Variants in KCNK6 observed in about 807,000 individuals in gnomAD.
KCNK6 encodes the protein potassium channel subfamily K member 6.
A neutral mutation model predicts 21.9 loss-of-function variants in KCNK6; 20 were observed. The ratio of observed to expected loss-of-function variants is 0.91; its 90% CI spans 0.64 to 1.32. The LOEUF (loss-of-function observed/expected upper bound fraction) is 1.32. Ranked by LOEUF, KCNK6 falls within the 40% of genes most tolerant of loss-of-function variation. The pLI, the probability that KCNK6 is intolerant of heterozygous loss-of-function variation, is 0.00. For missense variants in KCNK6, 415 were observed against 433.1 expected (o/e 0.96, Z 0.37); for synonymous variants, 210 against 218.0 (o/e 0.96, Z 0.32).
At chr19:38,320,643 C>T (rs568475101) in intron 1 of KCNK6, among the ~76,000 whole-genome samples, 2 of 152,122 alleles carry the variant, frequency 1.3e-5, no homozygotes, top group South Asian at 4.2e-4. Context: ...ACGGCAGCCT[C>T]CGCCTCCCGG....
At chr19:38,322,523 G>A (rs77617224) in intron 1 of KCNK6, among the ~76,000 whole-genome samples, 14 of 152,248 alleles carry the variant, frequency 9.2e-5, no homozygotes, top group Admixed American at 2.0e-4. Flanking sequence ...ATATTGAGAG[G>A]GGGTGGATGA....
Position 38,326,650 on chromosome 19 carries a change from C to A in KCNK6, c.380C>A (p.Ala127Glu), listed in dbSNP as rs770275342. ...GGCAAGGCCTTCTCCATCGCCTTTG[C>A]GCTCCTGGGCGTGCCGACCACCATG... ...DAGKAFSIAF[A>E]LLGVPTTMLL... The change falls in exon 2 of 3, where the codon GCG becomes GAG. Residue 127 changes from alanine to glutamate, a missense_variant. By Grantham distance (107) the Ala-to-Glu change is moderately radical (BLOSUM62 -1). Coordinates refer to ENST00000263372, the MANE Select transcript of KCNK6 (RefSeq NM_004823.3). The A allele has an allele frequency of 1.9e-6, 3 of 1,609,646 alleles. No homozygotes were observed. The highest frequency in any genetic ancestry group is 1.7e-6 in the Non-Finnish European group (2 of 1,179,946).
At chr19:38,322,542 C>T (rs780729284) in intron 1 of KCNK6, among the ~76,000 whole-genome samples, 6 of 152,180 alleles carry the variant, frequency 3.9e-5, no homozygotes, top group African/African-American at 7.2e-5. Flanking sequence ...GAGGGCCAGG[C>T]GCAGTGGCTT....
In KCNK6 at chr19:38,331,993, G is replaced by A. The variant is rs1056447881; in HGVS notation, c.*4590G>A. On this transcript the variant is annotated 3_prime_UTR_variant, in exon 3 of 3. Transcript: ENST00000263372. The stretch of plus-strand genomic sequence containing the variant: ...AATAGCACCTACCTCATGGACTTGA[G>A]AAGTCAGCAACTTCATACCTCTAAA... 6.6e-6 allele frequency: 1 copy of A among 152,174 alleles called. No homozygotes were observed. The highest frequency in any genetic ancestry group is 2.4e-5 in the African/African-American group (1 of 41,452). 9.4% of individuals were successfully genotyped at this position (152,174 alleles called of 1,614,324 possible).
At chr19:38,326,312 G>A (rs73041292) in intron 1 of KCNK6, among the ~76,000 whole-genome samples, 3,669 of 152,242 alleles carry the variant, frequency 0.024, 62 homozygotes, top group South Asian at 0.045. Context: ...ACCTTGGAAG[G>A]CAAAGGTGGG....
intron 1 of KCNK6, among the ~76,000 whole-genome samples, chr19:38,323,796 G>C (rs1969678805): frequency 1.3e-5 from 2 of 152,084 alleles, no homozygotes; most frequent in South Asian, 4.1e-4. Flanking sequence ...TCCCTATGTT[G>C]CTCAGGCTGG....
rs1037314900 is a variant in KCNK6, at chr19:38,328,197, T to C, written c.*794T>C. 2 of 152,148 alleles carry C rather than the reference T, an allele frequency of 1.3e-5. No homozygotes were observed. The highest frequency in any genetic ancestry group is 3.9e-4 in the East Asian group (2 of 5,184). The allele number at this position is 152,148 out of a possible 1,614,324, so 9.4% of individuals were successfully genotyped here. A position where few individuals can be genotyped will look rare whatever the true frequency, so the allele number is the denominator to read the frequency against. ...GAACTAAGACCTGAACTATGAGAAA[T>C]AGGCAGGAAGAAGTTGTACCTGACT... On this transcript the variant is annotated 3_prime_UTR_variant, in exon 3 of 3. Transcript: ENST00000263372.
Position 38,326,928 on chromosome 19 carries a change from T to C in KCNK6, c.658T>C (p.Tyr220His). 6.2e-7 allele frequency: 1 copy of C among 1,609,986 alleles called. No homozygotes were observed. The highest frequency in any genetic ancestry group is 8.5e-7 in the Non-Finnish European group (1 of 1,180,008). Residue 220 changes from tyrosine (Y) to histidine (H), a missense_variant, in exon 2 of 3, where the codon TAC becomes CAC. Transcript: ENST00000263372. ...TCTGTCCACCATCGGCCTGGGCGAC[T>C]ACGTGCCCGGGGAGGCCCCTGGCCA... ...ISLSTIGLGD[Y>H]VPGEAPGQPY...
chr19:38,324,902 C>G (rs1273708332), intron 1 of KCNK6: 2 of 151,786 alleles, frequency 1.3e-5, no homozygotes, highest in East Asian at 3.9e-4. Context: ...GGGATCATTT[C>G]TTTTCCCAAG....
chr19:38,326,106 T>C (rs892946170), intron 1 of KCNK6, among the ~76,000 whole-genome samples: 2 of 152,190 alleles, frequency 1.3e-5, no homozygotes, highest in South Asian at 2.1e-4. Flanking sequence ...GCGTCAGGGA[T>C]GAAGGCAAGG....
chr19:38,326,636 C>T lies in KCNK6; in HGVS notation c.366C>T (p.Phe122=). The T allele has an allele frequency of 6.2e-7, 1 of 1,611,134 alleles. No homozygotes were observed. The highest frequency in any genetic ancestry group is 8.5e-7 in the Non-Finnish European group (1 of 1,179,886). ...TTPLTDAGKA[F]SIAFALLGVP... is the part of the protein sequence containing the mutation. The stretch of plus-strand genomic sequence containing the variant: ...CACTGACTGATGCGGGCAAGGCCTT[C>T]TCCATCGCCTTTGCGCTCCTGGGCG... The change falls in exon 2 of 3, where the codon TTC becomes TTT. Residue 122 remains phenylalanine, a synonymous_variant. Transcript: ENST00000263372.
chr19:38,321,838 A>G (rs1163734373), intron 1 of KCNK6, among the ~76,000 whole-genome samples: 1 of 152,158 alleles, frequency 6.6e-6, no homozygotes, highest in Non-Finnish European at 1.5e-5. Flanking sequence ...CTCTTCCCAG[A>G]TCCTGGCTTC....
chr19:38,324,890 C>G, intron 1 of KCNK6, among the ~76,000 whole-genome samples: 1 of 152,138 alleles, frequency 6.6e-6, no homozygotes, highest in South Asian at 2.1e-4. Context: ...CCATGCCTGG[C>G]TGGGATCATT....
Position 38,327,591 on chromosome 19 carries a change from C to G in KCNK6, c.*188C>G. On this transcript the variant is annotated 3_prime_UTR_variant, in exon 3 of 3. Coordinates refer to ENST00000263372, the MANE Select transcript of KCNK6 (RefSeq NM_004823.3). ...AGGGCAGCACTCCCTGTCCCCATGTCCCGGGCTCCACTGGGCACCAACATA... is the reference window on the plus strand; with the variant it reads ...AGGGCAGCACTCCCTGTCCCCATGTGCCGGGCTCCACTGGGCACCAACATA... The G allele has an allele frequency of 6.5e-6, 4 of 611,012 alleles. No individual in the cohort carries two copies. In the East Asian group the frequency reaches 1.1e-4, roughly 17 times the overall value. The allele number at this position is 611,012 out of a possible 1,614,324, so 37.8% of individuals were successfully genotyped here. A position where few individuals can be genotyped will look rare whatever the true frequency, so the allele number is the denominator to read the frequency against.
chr19:38,327,548 C>A lies in KCNK6; in HGVS notation c.*145C>A. The stretch of plus-strand genomic sequence containing the variant: ...CCACCGTCTCTCCTTTGTTTCCCAG[C>A]ATCTGGCTGGGATGTGAAGGGCAGC... On this transcript the variant is annotated 3_prime_UTR_variant, in exon 3 of 3. Transcript: ENST00000263372. 1.3e-6 allele frequency: 1 copy of A among 754,864 alleles called. No homozygotes were observed. 46.8% of individuals were successfully genotyped at this position (754,864 alleles called of 1,614,324 possible). A position where few individuals can be genotyped will look rare whatever the true frequency, so the allele number is the denominator to read the frequency against.
chr19:38,325,211 G>T (rs1045356821), intron 1 of KCNK6: 5 of 157,828 alleles, frequency 3.2e-5, no homozygotes, highest in African/African-American at 1.2e-4. Flanking sequence ...CCACCTCCCA[G>T]GTTCAAGTGA....
rs1287488539 is a variant in KCNK6, at chr19:38,328,185, A to G, written c.*782A>G. ...GGAAGGGACATCGAACTAAGACCTGAACTATGAGAAATAGGCAGGAAGAAG... is the reference window on the plus strand; with the variant it reads ...GGAAGGGACATCGAACTAAGACCTGGACTATGAGAAATAGGCAGGAAGAAG... On this transcript the variant is annotated 3_prime_UTR_variant, in exon 3 of 3. Coordinates refer to ENST00000263372, the MANE Select transcript of KCNK6 (RefSeq NM_004823.3). The G allele has an allele frequency of 1.3e-5, 2 of 152,288 alleles. No individual in the cohort carries two copies. Among genetic ancestry groups the G allele is most frequent in the Non-Finnish European group, 2.9e-5 (2 of 68,096 alleles). 9.4% of individuals were successfully genotyped at this position (152,288 alleles called of 1,614,324 possible).
Position 38,322,233 on chromosome 19 carries a change from C to T in KCNK6, c.322+1961C>T, listed in dbSNP as rs369741372. Among the ~76,000 whole-genome samples the T allele has an allele frequency of 8.1e-4, 123 of 152,310 alleles. 1 individual carries two copies. The highest frequency in any genetic ancestry group is 3.4e-3 in the Middle Eastern group (1 of 294). ...CCATGCTGCTAGCCAACACACCACA[C>T]TACTTAGAAGAAGGGTGCTGTGTGT... On this transcript the variant is annotated intron_variant, in intron 1 of 2. Coordinates refer to ENST00000263372, the MANE Select transcript of KCNK6 (RefSeq NM_004823.3).
chr19:38,327,207 T>C lies in KCNK6; in HGVS notation c.746T>C (p.Met249Thr), dbSNP rs746519124. 7.2e-5 allele frequency: 116 copies of C among 1,613,044 alleles called. No individual in the cohort carries two copies. The highest frequency in any genetic ancestry group is 1.4e-5 in the Non-Finnish European group (16 of 1,180,028). The change falls in exon 3 of 3, where the codon ATG becomes ACG. Residue 249 changes from methionine to threonine, a missense_variant. Coordinates refer to ENST00000263372, the MANE Select transcript of KCNK6 (RefSeq NM_004823.3). ...TVYLFLGLVA[M>T]VLVLQTFRHV... ...TACCTCTTCCTGGGCCTGGTGGCCA[T>C]GGTGCTGGTGCTGCAGACCTTCCGC...
Sources: allele counts gnomAD v4.1 joint callset (sites outside exome capture counted in the v4.1 genomes callset), GRCh38; gene constraint gnomAD v4.1.1; transcripts MANE v1.5; gene names NCBI Gene and HGNC (gene_info 2026-07-23, HGNC 2026-07-21).